UNC79: variants seen among roughly 807,000 people sequenced by gnomAD.
The protein encoded by UNC79 is unc-79 subunit of NALCN channel complex, also known as protein unc-79 homolog.
Under a neutral mutation model 283.1 loss-of-function variants are expected in UNC79, and 37 were observed. The ratio of observed to expected loss-of-function variants is 0.13; its 90% CI spans 0.10 to 0.17. The LOEUF is 0.17. Ranked by LOEUF, UNC79 falls within the 10% of genes least tolerant of loss-of-function variation. The pLI, the probability that UNC79 is intolerant of heterozygous loss-of-function variation, is 1.00. For missense variants in UNC79, 2,272 were observed against 3,211.1 expected, an observed-to-expected ratio of 0.71 and a Z score of 7.07; for synonymous variants, 1,107 against 1,200.2, an observed-to-expected ratio of 0.92 and a Z score of 1.61.
chr14:93,638,573 G>A (rs568877164), intron 32 of UNC79, among the ~76,000 whole-genome samples: 3 of 152,264 alleles, frequency 2.0e-5, no homozygotes, highest in African/African-American at 4.8e-5. Context: ...TCCAAGACTC[G>A]CAAAGGGACT....
In UNC79 at chr14:93,532,564, A is replaced by G. The variant is rs765575094; in HGVS notation, c.1108A>G (p.Ile370Val). The change falls in exon 11 of 49, where the codon ATA (isoleucine) becomes GTA (valine). Residue 370 changes from isoleucine (I) to valine (V), a missense_variant. By Grantham distance (29) the Ile-to-Val change is conservative. Transcript: ENST00000555664. ...TCCCCTTACAGCTGAAATATCTGCT[A>G]TATGTCAGAAAAAGGTAAGAGCAAA... The G allele has an allele frequency of 1.9e-6, 3 of 1,611,650 alleles. No individual in the cohort carries two copies. The East Asian group carries it at 6.7e-5, about 36-fold the overall frequency.
chr14:93,679,275 A>G (rs948026743), intron 41 of UNC79, among the ~76,000 whole-genome samples: 1 of 152,156 alleles, frequency 6.6e-6, no homozygotes, highest in Non-Finnish European at 1.5e-5. Flanking sequence ...CCTGGCTAAC[A>G]TGGTGAAACC....
chr14:93,416,045 T>C (rs1283391542), intron 1 of UNC79, among the ~76,000 whole-genome samples: 1 of 150,792 alleles, frequency 6.6e-6, no homozygotes. Flanking sequence ...ATTTTAGTTA[T>C]TTCTTGCCTT....
At chr14:93,572,339 A>C (rs1319928890) in intron 15 of UNC79, among the ~76,000 whole-genome samples, 1 of 152,232 alleles carries the variant, frequency 6.6e-6, no homozygotes, top group Non-Finnish European at 1.5e-5. Context: ...CTTATTTTGA[A>C]ATTTTCAAAT....
In UNC79 at chr14:93,467,659, G is replaced by GTTTTTT; in HGVS notation, c.23-12_23-11insTTTTTT. On this transcript the variant is annotated splice_polypyrimidine_tract_variant and intron_variant, in intron 1 of 48. Transcript: ENST00000555664. The stretch of plus-strand genomic sequence containing the variant: ...TTTTTTTTTTTTTTTTTTTTTTTTT[G>GTTTTTT]CTTTTATCTAGTTGCTTCCAAGATC... 4.4e-6 allele frequency: 1 copy of GTTTTTT among 227,820 alleles called. No homozygotes were observed. The allele number at this position is 227,820 out of a possible 1,614,324, so 14.1% of individuals were successfully genotyped here.
rs977418121 is a variant in UNC79 at position 93,496,381 on chromosome 14, C to A, written c.713-30C>A. 5.6e-6 allele frequency: 8 copies of A among 1,434,086 alleles called. No individual in the cohort carries two copies. In the African/African-American group the frequency reaches 1.2e-4, roughly 21 times the overall value. 88.8% of individuals were successfully genotyped at this position (1,434,086 alleles called of 1,614,324 possible). On this transcript the variant is annotated intron_variant, in intron 5 of 48. Coordinates refer to ENST00000555664, the Ensembl canonical transcript of UNC79. ...GATGTTTTGTCTGGTATTTACATTT[C>A]ATGTATGAATTACATTTTCTACATT...
intron 1 of UNC79, among the ~76,000 whole-genome samples, chr14:93,403,935 A>C (rs78795597): frequency 4.6e-5 from 7 of 151,562 alleles, no homozygotes; most frequent in African/African-American, 1.7e-4. Context: ...ATCACCTAAC[A>C]GTGTGGGCAA....
At chr14:93,611,098 A>G (rs1278649991) in intron 26 of UNC79, among the ~76,000 whole-genome samples, 2 of 152,158 alleles carry the variant, frequency 1.3e-5, no homozygotes, top group Non-Finnish European at 2.9e-5. Flanking sequence ...TTCCTGATGC[A>G]TGCCTAATAA....
intron 1 of UNC79, among the ~76,000 whole-genome samples, chr14:93,362,679 G>C (rs549856023): frequency 3.9e-5 from 6 of 152,214 alleles, no homozygotes; most frequent in Admixed American, 2.0e-4. Context: ...TTTTTGGTTT[G>C]TTCAGGGTTC....
intron 1 of UNC79, among the ~76,000 whole-genome samples, chr14:93,431,422 G>C (rs2055872928): frequency 1.3e-5 from 2 of 151,916 alleles, no homozygotes; most frequent in South Asian, 4.2e-4. Flanking sequence ...GGCAAATCAG[G>C]GGCGGGGAAC....
Position 93,577,832 on chromosome 14 carries a change from T to C in UNC79, c.2212-10T>C. 6.2e-7 allele frequency: 1 copy of C among 1,612,580 alleles called. No individual in the cohort carries two copies. The highest frequency in any genetic ancestry group is 8.5e-7 in the Non-Finnish European group (1 of 1,179,108). On this transcript the variant is annotated splice_polypyrimidine_tract_variant and intron_variant, in intron 17 of 48. Coordinates refer to ENST00000555664, the Ensembl canonical transcript of UNC79. ...AGTTCATTTCTATGTGTTGCCATTC[T>C]TTCTTGTAGGTGAGTGTTGCCTCTG...
At chr14:93,598,485 G>A (rs1462181502) in intron 24 of UNC79, among the ~76,000 whole-genome samples, 2 of 151,924 alleles carry the variant, frequency 1.3e-5, no homozygotes, top group African/African-American at 2.4e-5. Flanking sequence ...TGTTGTTAGA[G>A]CCTTGATGCT....
chr14:93,580,471 C>G, intron 19 of UNC79, 95 bp downstream of exon 19: 1 of 1,223,292 alleles, frequency 8.2e-7, no homozygotes, highest in Non-Finnish European at 1.1e-6. Context: ...GCATCTTATA[C>G]TCCATGCTGG....
At chr14:93,436,213 A>G (rs904413604) in intron 1 of UNC79, among the ~76,000 whole-genome samples, 3 of 152,226 alleles carry the variant, frequency 2.0e-5, no homozygotes, top group African/African-American at 7.2e-5. Context: ...ATTTTTGTTA[A>G]TATGAAGTTC....
At position 93,572,279 on chromosome 14, in the gene UNC79, GA is replaced by G. The variant is rs2063248465; in HGVS notation, c.1946+199del. 2.0e-5 allele frequency among the ~76,000 whole-genome samples: 3 copies of G among 152,186 alleles called. No individual in the cohort carries two copies. In the South Asian group the frequency reaches 6.2e-4, roughly 31 times the overall value. On this transcript the variant is annotated intron_variant, in intron 15 of 48. Coordinates refer to ENST00000555664, the Ensembl canonical transcript of UNC79. Reference sequence around the variant, plus strand: ...ACCTAAGATGATTTGGCATTGTCCAGAAAAGATTTTGTTCTTGTGGAATAGT... The same window carrying G: ...ACCTAAGATGATTTGGCATTGTCCAGAAAGATTTTGTTCTTGTGGAATAGT...
intron 1 of UNC79, among the ~76,000 whole-genome samples, chr14:93,371,702 G>A (rs1021231173): frequency 2.7e-5 from 4 of 150,888 alleles, no homozygotes; most frequent in Admixed American, 6.6e-5. Flanking sequence ...TTAGCCGGGC[G>A]TGGTGGCGGG....
At chr14:93,511,148 C>T (rs1185412074) in intron 7 of UNC79, among the ~76,000 whole-genome samples, 2 of 152,100 alleles carry the variant, frequency 1.3e-5, no homozygotes, top group African/African-American at 2.4e-5. Flanking sequence ...ACTCTCTGTG[C>T]ACTCACTCAC....
intron 39 of UNC79, among the ~76,000 whole-genome samples, chr14:93,660,582 CATTTTATTTT>C (rs558994332): frequency 1.6e-5 from 1 of 61,940 alleles, no homozygotes; most frequent in African/African-American, 5.6e-5. Flanking sequence ...TGTGTGTGTT[CATTTTATTTT>C]ATTTTATTTT....
intron 1 of UNC79, among the ~76,000 whole-genome samples, chr14:93,405,175 C>A (rs1347491055): frequency 6.6e-6 from 1 of 151,212 alleles, no homozygotes; most frequent in Non-Finnish European, 1.5e-5. Context: ...CCCAGCTACT[C>A]GGGAGGCTGA....
Sources: allele counts gnomAD v4.1 joint callset (sites outside exome capture counted in the v4.1 genomes callset), GRCh38; gene constraint gnomAD v4.1.1; transcripts MANE v1.5; gene names NCBI Gene and HGNC (gene_info 2026-07-23, HGNC 2026-07-21).